The following PARP4 variants were observed in gnomAD, a reference collection of about 807,000 sequenced individuals.
PARP4 encodes the protein protein mono-ADP-ribosyltransferase PARP4.
A neutral mutation model predicts 187.7 loss-of-function variants in PARP4; 120 were observed. That is an observed-to-expected ratio of 0.64 (90% confidence interval 0.55 to 0.74). PARP4 has a LOEUF of 0.74. Ranked by LOEUF, PARP4 falls within the 30% of genes least tolerant of loss-of-function variation. PARP4 has a pLI of 0.00. For missense variants in PARP4, 1,836 were observed against 2,070.5 expected (o/e 0.89, Z 2.20); for synonymous variants, 654 against 740.9 (o/e 0.88, Z 1.90).
chr13:24,473,013 C>A (rs1566007996), intron 15 of PARP4, among the ~76,000 whole-genome samples: 1 of 151,448 alleles, frequency 6.6e-6, no homozygotes, highest in South Asian at 2.1e-4. Context: ...TGTGACTTTG[C>A]CCATTCTAGT....
rs1871260435 is a variant in PARP4, at chr13:24,447,186, T to A, written c.3115A>T (p.Ile1039Leu). The part of the protein sequence containing the change: ...AKSKHSWRKQ[I>L]EDQMTRLCSP... ...CATAGCCTGGTCATTTGGTCTTCTA[T>A]CTATTTATAAAAGAGGAATTATTTC... Residue 1039 changes from isoleucine (I) to leucine (L), a missense_variant and splice_region_variant, in exon 26 of 34, where the codon ATA (isoleucine) becomes TTA (leucine). Ile to Leu is a conservative substitution (Grantham distance 5, BLOSUM62 2). This residue lies in a region of PARP4 where 56 missense variants were observed against 103.7 expected (regional missense o/e 0.54). Coordinates refer to ENST00000381989, the MANE Select transcript of PARP4 (RefSeq NM_006437.4). The A allele has an allele frequency of 5.6e-6, 9 of 1,593,012 alleles. No individual in the cohort carries two copies. The highest frequency in any genetic ancestry group is 1.8e-5 in the Admixed American group (1 of 54,264).
rs1160652611 is a variant in PARP4 at position 24,435,071 on chromosome 13, C to T, written c.4070G>A (p.Arg1357Lys). The change falls in exon 31 of 34, where the codon AGA (arginine) becomes AAA (lysine). Residue 1357 changes from arginine to lysine, a missense_variant. Arg to Lys is a conservative substitution (Grantham distance 26). Transcript: ENST00000381989. ...GCTGAATTGAGATGCATCAAACTGT[C>T]TGGGAGGAGCAGCTGAACCGAAACT... The part of the protein sequence containing the change: ...VASFGSAAPP[R>K]QFDASQFSQG... 1 of 1,614,008 alleles carries T rather than the reference C, an allele frequency of 6.2e-7. No individual in the cohort carries two copies. The highest frequency in any genetic ancestry group is 8.5e-7 in the Non-Finnish European group (1 of 1,180,048).
At chr13:24,468,913 C>A in intron 17 of PARP4, 111 bp downstream of exon 17, 1 of 812,412 alleles carries the variant, frequency 1.2e-6, no homozygotes. Flanking sequence ...AACTCTGGGG[C>A]CTACAACAGT....
chr13:24,506,992 C>T (rs1308161496), intron 1 of PARP4, among the ~76,000 whole-genome samples: 1 of 152,230 alleles, frequency 6.6e-6, no homozygotes, highest in Non-Finnish European at 1.5e-5. Context: ...TCTAGCACAG[C>T]GCTGGTGGGC....
At chr13:24,473,414 G>A (rs1006844385) in intron 15 of PARP4, among the ~76,000 whole-genome samples, 1 of 152,160 alleles carries the variant, frequency 6.6e-6, no homozygotes, top group East Asian at 1.9e-4. Flanking sequence ...GTTCTAAATT[G>A]AGTCTTTGGA....
intron 12 of PARP4, among the ~76,000 whole-genome samples, chr13:24,484,282 T>TC (rs1473348846): frequency 6.6e-6 from 1 of 152,178 alleles, no homozygotes; most frequent in East Asian, 1.9e-4. Context: ...TCCTCCTGCC[T>TC]CAGCCTCCCC....
At chr13:24,474,004 A>G (rs545646435) in intron 15 of PARP4, among the ~76,000 whole-genome samples, 3 of 152,204 alleles carry the variant, frequency 2.0e-5, no homozygotes, top group East Asian at 1.9e-4. Flanking sequence ...CTCCCCACTT[A>G]TAAGTCCAAC....
At chr13:24,483,456 G>A (rs1429306895) in intron 12 of PARP4, among the ~76,000 whole-genome samples, 1 of 120,864 alleles carries the variant, frequency 8.3e-6, no homozygotes, top group African/African-American at 3.2e-5. Flanking sequence ...ACTGCAGTCC[G>A]CAGTCCGGCC....
intron 1 of PARP4, among the ~76,000 whole-genome samples, chr13:24,509,513 AAAAG>A (rs2137557208): frequency 6.6e-6 from 1 of 151,762 alleles, no homozygotes; most frequent in East Asian, 1.9e-4. Flanking sequence ...CAAAAAAAAA[AAAAG>A]AGAGAAAAAT....
intron 7 of PARP4, 143 bp downstream of exon 7, chr13:24,494,430 G>C (rs1163327731): frequency 3.0e-6 from 2 of 663,210 alleles, no homozygotes; most frequent in African/African-American, 1.8e-5. Flanking sequence ...CTGGCCTCAA[G>C]TGATCCTCCT....
chr13:24,422,958 C>CAGT (rs1869825691), intron 33 of PARP4, among the ~76,000 whole-genome samples: 1 of 152,110 alleles, frequency 6.6e-6, no homozygotes, highest in Non-Finnish European at 1.5e-5. Context: ...TTTGCTAGCA[C>CAGT]AGTAGCAGTA....
chr13:24,425,564 T>A (rs961865319), intron 33 of PARP4, among the ~76,000 whole-genome samples: 3 of 141,720 alleles, frequency 2.1e-5, no homozygotes, highest in African/African-American at 8.1e-5. Context: ...TGTGTGTGTG[T>A]GTGTGTATAT....
chr13:24,512,278 G>A (rs948928940), intron 1 of PARP4, among the ~76,000 whole-genome samples: 1 of 152,184 alleles, frequency 6.6e-6, no homozygotes, highest in Non-Finnish European at 1.5e-5. Flanking sequence ...GACTCACGAG[G>A]TCAGATAGTA....
At chr13:24,467,749 G>T (rs1432335911) in intron 17 of PARP4, among the ~76,000 whole-genome samples, 5 of 152,218 alleles carry the variant, frequency 3.3e-5, no homozygotes, top group African/African-American at 9.6e-5. Flanking sequence ...AATACCTTCT[G>T]TGAAGGCTGT....
intron 11 of PARP4, among the ~76,000 whole-genome samples, chr13:24,485,824 T>C (rs1173342930): frequency 6.6e-6 from 1 of 152,208 alleles, no homozygotes; most frequent in East Asian, 1.9e-4. Context: ...TTCATACCTA[T>C]ATACTACACT....
chr13:24,472,441 G>A (rs73154339), intron 15 of PARP4, among the ~76,000 whole-genome samples: 12,040 of 152,070 alleles, frequency 0.079, 651 homozygotes, highest in Non-Finnish European at 0.12. Context: ...CCAACGCCCC[G>A]TCTCCCCAGA....
chr13:24,477,827 G>A lies in PARP4; in HGVS notation c.1663C>T (p.Gln555Ter), dbSNP rs1022591035. The change falls in exon 14 of 34, where the codon CAG becomes TAG. Residue 555 changes from glutamine to a stop codon, truncating the protein, a stop_gained. Coordinates refer to ENST00000381989, the MANE Select transcript of PARP4 (RefSeq NM_006437.4). LOFTEE classifies it high-confidence loss of function. ...DDEFVVYKTNQVKMKYIIKFS... is the reference protein window; with the variant it reads ...DDEFVVYKTN Reference sequence around the variant, plus strand: ...TTAATAATATATTTCATTTTAACCTGATTGGTTTTATAGACAACAAATTCA... The same window carrying A: ...TTAATAATATATTTCATTTTAACCTAATTGGTTTTATAGACAACAAATTCA... 3.2e-6 allele frequency: 5 copies of A among 1,581,366 alleles called. No homozygotes were observed. Among genetic ancestry groups the A allele is most frequent in the Non-Finnish European group, 4.3e-6 (5 of 1,163,482 alleles).
chr13:24,448,113 G>A (rs774420231), intron 25 of PARP4, among the ~76,000 whole-genome samples: 2 of 152,168 alleles, frequency 1.3e-5, no homozygotes, highest in African/African-American at 2.4e-5. Context: ...TGGGGGATGA[G>A]GGAGGAAGAT....
chr13:24,472,752 C>T (rs1244474634), intron 15 of PARP4, among the ~76,000 whole-genome samples: 3 of 152,162 alleles, frequency 2.0e-5, no homozygotes, highest in Non-Finnish European at 4.4e-5. Flanking sequence ...GCCCCAGCAC[C>T]CGCATTAGAT....
Sources: gnomAD v4.1 joint callset for allele counts (sites outside exome capture counted in the v4.1 genomes callset) on GRCh38, gnomAD v4.1.1 for gene constraint, gnomAD v4.1.1 regional missense constraint, MANE v1.5 for transcripts, NCBI Gene and HGNC (gene_info 2026-07-23, HGNC 2026-07-21) for gene names.